Variants in DGKD observed in about 807,000 individuals in gnomAD.
The protein encoded by DGKD is DAG kinase delta.
Under a neutral mutation model 154.4 loss-of-function variants are expected in DGKD, and 68 were observed. That is an observed-to-expected ratio of 0.44 (90% CI 0.36 to 0.54). The LOEUF is 0.54. DGKD is among the 20% of genes least tolerant of loss of function. The probability of loss-of-function intolerance (pLI) is 0.00; values close to 1 mark genes in which losing one functional copy is unlikely to be tolerated. For missense variants in DGKD, 1,343 were observed against 1,593.6 expected (o/e 0.84, Z 2.68); for synonymous variants, 693 against 638.0 (o/e 1.09, Z -1.30).
At chr2:233,468,691 CG>C in intron 29 of DGKD, 138 bp downstream of exon 29, 2 of 1,359,234 alleles carry the variant, frequency 1.5e-6, no homozygotes, top group South Asian at 2.9e-5. Flanking sequence ...CAGGTGGGGG[CG>C]GCTGTGGCCC....
At chr2:233,466,975 G>T (rs1368789744) in intron 27 of DGKD, 111 bp from the exon 28 acceptor site, 2 of 802,266 alleles carry the variant, frequency 2.5e-6, no homozygotes, top group Non-Finnish European at 2.2e-6. Flanking sequence ...GTCTTTCCCA[G>T]CTCCCGCTCA....
At chr2:233,418,002 G>C (rs2062001195) in intron 3 of DGKD, among the ~76,000 whole-genome samples, 1 of 152,224 alleles carries the variant, frequency 6.6e-6, no homozygotes, top group East Asian at 1.9e-4. Flanking sequence ...GATATGGACA[G>C]ATAGTTATGG....
intron 27 of DGKD, among the ~76,000 whole-genome samples, chr2:233,466,640 CAG>C (rs1319832815): frequency 6.6e-6 from 1 of 152,142 alleles, no homozygotes; most frequent in Non-Finnish European, 1.5e-5. Flanking sequence ...TCTTCTGCCT[CAG>C]GGAGTGGATC....
At chr2:233,433,204 C>A (rs1302754181) in intron 3 of DGKD, among the ~76,000 whole-genome samples, 1 of 152,188 alleles carries the variant, frequency 6.6e-6, no homozygotes, top group Non-Finnish European at 1.5e-5. Context: ...TGTTCATCAA[C>A]AGACACATGG....
rs1337765956 is a variant in DGKD at position 233,458,535 on chromosome 2, C to G, written c.2694+138C>G. ...GCCTCATGTCCTGTCCTGGACAGCT[C>G]GTGGCCCCACTTCCTGGGCCAGAGC... is the stretch of plus-strand genomic sequence containing the variant. On this transcript the variant is annotated intron_variant, in intron 22 of 29. Transcript: ENST00000264057. This position sits in a 1 kb window ranked among gnomAD's most constrained non-coding sequence, Gnocchi z 6.6. 4 of 533,264 alleles carry G rather than the reference C, an allele frequency of 7.5e-6. No individual in the cohort carries two copies. Among genetic ancestry groups the G allele is most frequent in the Middle Eastern group, 5.0e-4 (1 of 2,020 alleles). The allele number at this position is 533,264 out of a possible 1,614,324, so 33.0% of individuals were successfully genotyped here. A position where few individuals can be genotyped will look rare whatever the true frequency, so the allele number is the denominator to read the frequency against.
At chr2:233,421,319 T>C (rs942849832) in intron 3 of DGKD, among the ~76,000 whole-genome samples, 1 of 152,172 alleles carries the variant, frequency 6.6e-6, no homozygotes, top group Non-Finnish European at 1.5e-5. Flanking sequence ...CTGTCCCGTC[T>C]GCTGTCCTCA....
chr2:233,454,344 C>G, intron 18 of DGKD: 1 of 468,082 alleles, frequency 2.1e-6, no homozygotes, highest in Middle Eastern at 3.3e-4. Flanking sequence ...TTGAAAACAT[C>G]GTCCTGAGGA....
chr2:233,395,147 T>C (rs1254771252), intron 3 of DGKD, among the ~76,000 whole-genome samples: 2 of 146,782 alleles, frequency 1.4e-5, no homozygotes, highest in South Asian at 4.3e-4. Flanking sequence ...GCTGAATGTA[T>C]TGTGCTTTCT....
At position 233,354,752 on chromosome 2, in the gene DGKD, G is replaced by T. The variant is rs1701461053; in HGVS notation, c.156+78G>T. The T allele has an allele frequency of 1.1e-6, 1 of 889,392 alleles. No homozygotes were observed. The highest frequency in any genetic ancestry group is 1.3e-6 in the Non-Finnish European group (1 of 745,834). The allele number at this position is 889,392 out of a possible 1,614,324, so 55.1% of individuals were successfully genotyped here. ...CCGGCCGAGGCCCGTGGCCCTGCCC[G>T]AGCGGCCGCCCAGGCCCGGCTCGGC... On this transcript the variant is annotated intron_variant, in intron 1 of 29. Transcript: ENST00000264057. The surrounding 1 kb of genome is among the most constrained non-coding windows in gnomAD (Gnocchi z 4.8).
At position 233,445,912 on chromosome 2, in the gene DGKD, T is replaced by C. The variant is rs1165136655; in HGVS notation, c.1334+150T>C. The C allele has an allele frequency of 1.0e-5, 11 of 1,050,322 alleles. No individual in the cohort carries two copies. Among genetic ancestry groups the C allele is most frequent in the Non-Finnish European group, 1.4e-5 (11 of 764,814 alleles). The allele number at this position is 1,050,322 out of a possible 1,614,324, so 65.1% of individuals were successfully genotyped here. A position where few individuals can be genotyped will look rare whatever the true frequency, so the allele number is the denominator to read the frequency against. On this transcript the variant is annotated intron_variant, in intron 11 of 29. Coordinates refer to ENST00000264057, the MANE Select transcript of DGKD (RefSeq NM_152879.3). This position sits in a 1 kb window ranked among gnomAD's most constrained non-coding sequence, Gnocchi z 5.5. ...ACCTGAGTATATATTCGGATAGTCT[T>C]TGATATTTGGTCAGATTATGACAAG...
intron 3 of DGKD, among the ~76,000 whole-genome samples, chr2:233,413,649 C>T (rs1271855205): frequency 6.6e-6 from 1 of 152,190 alleles, no homozygotes; most frequent in Non-Finnish European, 1.5e-5. Flanking sequence ...TATTCCTTGG[C>T]ACCTCTGGGA....
At chr2:233,415,058 T>C (rs1489247334) in intron 3 of DGKD, among the ~76,000 whole-genome samples, 1 of 152,166 alleles carries the variant, frequency 6.6e-6, no homozygotes, top group Admixed American at 6.5e-5. Flanking sequence ...TCCGAGTAGC[T>C]GAGACTACAG....
At chr2:233,386,056 T>G in intron 1 of DGKD, 1 of 462,712 alleles carries the variant, frequency 2.2e-6, no homozygotes, top group South Asian at 1.6e-5. Context: ...TGCTTTTCTT[T>G]TATGTATGAG....
In DGKD at chr2:233,437,485, T is replaced by C. The variant is rs1470940118; in HGVS notation, c.922+6T>C. 2 of 1,612,828 alleles carry C rather than the reference T, an allele frequency of 1.2e-6. No individual in the cohort carries two copies. Among genetic ancestry groups the C allele is most frequent in the Non-Finnish European group, 1.7e-6 (2 of 1,178,928 alleles). ...CAACAGCATCGACTCCGATGGTGGG[T>C]ACCACACATGCTTATCCTTCTCATG... On this transcript the variant is annotated splice_donor_region_variant and intron_variant, in intron 8 of 29. Transcript: ENST00000264057.
In DGKD at chr2:233,458,245, T is replaced by C. The variant is rs745978860; in HGVS notation, c.2581-39T>C. 1.4e-6 allele frequency: 2 copies of C among 1,391,936 alleles called. No individual in the cohort carries two copies. Among genetic ancestry groups the C allele is most frequent in the East Asian group, 4.6e-5 (2 of 43,274 alleles). The allele number at this position is 1,391,936 out of a possible 1,614,324, so 86.2% of individuals were successfully genotyped here. On this transcript the variant is annotated intron_variant, in intron 21 of 29. Transcript: ENST00000264057. This position sits in a 1 kb window ranked among gnomAD's most constrained non-coding sequence, Gnocchi z 6.6. ...GGTAGGGGCGGCCTGTGCTCGGGGA[T>C]GTGTGGAGTGGTGGTCAGCTCTAAC...
At position 233,460,316 on chromosome 2, in the gene DGKD, T is replaced by A; in HGVS notation, c.2952T>A (p.Phe984Leu). Residue 984 changes from phenylalanine to leucine, a missense_variant, in exon 24 of 30, where the codon TTT becomes TTA. By Grantham distance (22) the Phe-to-Leu change is conservative (BLOSUM62 0). Around this residue, in one of 6 missense-constraint regions of DGKD, gnomAD observed 429 missense variants for 496.3 expected, o/e 0.86. Transcript: ENST00000264057. ...AGGAGGCCACCCAGATGGACCAGTTTGGGCAGGCAGCAGGGGTCCTCATTC... is the reference window on the plus strand; with the variant it reads ...AGGAGGCCACCCAGATGGACCAGTTAGGGCAGGCAGCAGGGGTCCTCATTC... ...SEEEATQMDQ[F>L]GQAAGVLIHS... 4 of 1,614,016 alleles carry A rather than the reference T, an allele frequency of 2.5e-6. No individual in the cohort carries two copies. The highest frequency in any genetic ancestry group is 2.5e-6 in the Non-Finnish European group (3 of 1,179,996).
At chr2:233,414,397 C>T (rs1009383908) in intron 3 of DGKD, among the ~76,000 whole-genome samples, 2 of 152,228 alleles carry the variant, frequency 1.3e-5, no homozygotes, top group Non-Finnish European at 1.5e-5. Context: ...CTGTGCCGCT[C>T]ATGGACCTGT....
intron 17 of DGKD, among the ~76,000 whole-genome samples, chr2:233,451,408 C>T (rs749761617): frequency 4.6e-5 from 7 of 151,918 alleles, no homozygotes; most frequent in Admixed American, 1.3e-4. Context: ...CTAGCGTGGT[C>T]GCAGGAGGCG....
chr2:233,355,081 C>G (rs1429640058), intron 1 of DGKD, among the ~76,000 whole-genome samples: 1 of 152,078 alleles, frequency 6.6e-6, no homozygotes, highest in Admixed American at 6.5e-5. Context: ...CCCCAAACCC[C>G]GGTTCTGCAC....
Sources: gnomAD v4.1 joint callset for allele counts (sites outside exome capture counted in the v4.1 genomes callset) on GRCh38, gnomAD v4.1.1 for gene constraint, gnomAD v4.1.1 regional missense constraint, Gnocchi (gnomAD v3.1) non-coding constraint, MANE v1.5 for transcripts, NCBI Gene and HGNC (gene_info 2026-07-23, HGNC 2026-07-21) for gene names.